Variants in GLOD4 observed in about 807,000 individuals in gnomAD.
GLOD4 encodes glyoxalase domain-containing protein 4.
GLOD4 carries 44 observed loss-of-function variants against 39.1 expected under a neutral mutation model. The ratio of observed to expected loss-of-function variants is 1.13; its 90% CI spans 0.88 to 1.45. The LOEUF is 1.45. Ranked by LOEUF, GLOD4 falls within the 40% of genes most tolerant of loss-of-function variation. The pLI is 0.00. For synonymous variants in GLOD4, 145 were observed against 135.0 expected (o/e 1.07, Z -0.52); for missense variants, 405 against 366.4 (o/e 1.11, Z -0.86).
upstream of GLOD4, among the ~76,000 whole-genome samples, chr17:784,860 G>A (rs1910460377): frequency 2.0e-5 from 3 of 152,256 alleles, no homozygotes; most frequent in South Asian, 6.2e-4. Context: ...CTGTGACTCC[G>A]AAGTGGAGGC....
At chr17:772,570 G>A (rs1478618289) in intron 4 of GLOD4, among the ~76,000 whole-genome samples, 1 of 151,974 alleles carries the variant, frequency 6.6e-6, no homozygotes, top group African/African-American at 2.4e-5. Flanking sequence ...CAATATATTG[G>A]ACAAAAAGTC....
In GLOD4 at chr17:778,722, T is replaced by C. The variant is rs1909366917; in HGVS notation, c.113A>G (p.Glu38Gly). The C allele has an allele frequency of 1.9e-6, 3 of 1,603,930 alleles. No individual in the cohort carries two copies. Among genetic ancestry groups the C allele is most frequent in the Non-Finnish European group, 1.7e-6 (2 of 1,170,702 alleles). The change falls in exon 2 of 9, where the codon GAA becomes GGA. Residue 38 changes from glutamate (E) to glycine (G), a missense_variant. Transcript: ENST00000301329. ...ATTACAGGCAGCTTTGCAGCCTTCT[T>C]CAAATTCCTCATGCCGCAGAACCTG... ...GMKVLRHEEFEEGCKAACNGP... is the reference protein window; with the variant it reads ...GMKVLRHEEFGEGCKAACNGP...
At chr17:778,207 A>G in intron 2 of GLOD4, 1 of 206,144 alleles carries the variant, frequency 4.9e-6, no homozygotes. Context: ...GTAGCAGACT[A>G]TCAAACCCAA....
upstream of GLOD4, chr17:782,386 C>T (rs1287098863): frequency 1.1e-5 from 17 of 1,613,568 alleles, no homozygotes; most frequent in Admixed American, 1.7e-5. Flanking sequence ...AACATGGCGG[C>T]GCTGGTGAGA....
At chr17:780,984 G>C (rs1316025465) in intron 1 of GLOD4, among the ~76,000 whole-genome samples, 1 of 145,532 alleles carries the variant, frequency 6.9e-6, no homozygotes, top group Admixed American at 7.0e-5. Context: ...ACAATGGTGC[G>C]ATCTCGGCTC....
At chr17:760,440 T>A (rs1009508769) in intron 8 of GLOD4, among the ~76,000 whole-genome samples, 4 of 152,204 alleles carry the variant, frequency 2.6e-5, no homozygotes, top group African/African-American at 9.7e-5. Flanking sequence ...CAGAGTGTTA[T>A]GTTCAATAAG....
At chr17:778,461 C>G (rs754209737) in intron 2 of GLOD4, 317 of 593,902 alleles carry the variant, frequency 5.3e-4, no homozygotes, top group Non-Finnish European at 8.8e-4. Context: ...AAATGTGTTC[C>G]CGACGCTCCT....
At chr17:785,887 G>T (rs1278178751), upstream of GLOD4, among the ~76,000 whole-genome samples, 1 of 152,210 alleles carries the variant, frequency 6.6e-6, no homozygotes, top group African/African-American at 2.4e-5. Context: ...CTGGTAGGAA[G>T]ATGGGCACAG....
At chr17:782,634 A>T (rs200285894), upstream of GLOD4, 331 of 1,613,702 alleles carry the variant, frequency 2.1e-4, 2 homozygotes, top group Admixed American at 4.3e-4. Flanking sequence ...CGCTCCCAGC[A>T]CCTGGGAAGA....
At chr17:768,348 C>G (rs1362568167) in intron 8 of GLOD4, among the ~76,000 whole-genome samples, 2 of 146,914 alleles carry the variant, frequency 1.4e-5, no homozygotes, top group Non-Finnish European at 1.5e-5. Flanking sequence ...AGAGAAACAG[C>G]GCGCACTCAG....
chr17:770,489 C>A lies in GLOD4; in HGVS notation c.562G>T (p.Gly188Cys). The A allele has an allele frequency of 6.4e-7, 1 of 1,567,154 alleles. No individual in the cohort carries two copies. Among genetic ancestry groups the A allele is most frequent in the South Asian group, 1.1e-5 (1 of 90,190 alleles). ...ADNQCKLELQGVKGGVDHAAA... is the reference protein window; with the variant it reads ...ADNQCKLELQCVKGGVDHAAA... Reference sequence around the variant, plus strand: ...GCATGGTCCACCCCACCCTTGACGCCCTGTAGCTCCAGCTTACACTGAAAT... The same window carrying A: ...GCATGGTCCACCCCACCCTTGACGCACTGTAGCTCCAGCTTACACTGAAAT... The change falls in exon 6 of 9, where the codon GGC (glycine) becomes TGC (cysteine). Residue 188 changes from glycine (G) to cysteine (C), a missense_variant. By Grantham distance (159) the Gly-to-Cys change is radical (BLOSUM62 -3). Coordinates refer to ENST00000301329, the MANE Select transcript of GLOD4 (RefSeq NM_016080.4).
At chr17:764,090 T>C (rs941802886) in intron 8 of GLOD4, 1 of 152,176 alleles carries the variant, frequency 6.6e-6, no homozygotes, top group East Asian at 1.9e-4. Flanking sequence ...GACTTGAACA[T>C]AAAATTCACA....
At chr17:764,915 G>A (rs1906230407) in intron 8 of GLOD4, 1 of 150,946 alleles carries the variant, frequency 6.6e-6, no homozygotes, top group African/African-American at 2.4e-5. Flanking sequence ...GCTGAGGCAG[G>A]AGAATGGCGT....
chr17:777,006 A>G lies in GLOD4; in HGVS notation c.141-18T>C. On this transcript the variant is annotated intron_variant, in intron 2 of 8. Transcript: ENST00000301329. ...CATAAGGCCTAGAAAATAAAAGTAA[A>G]TGAACTCAGTGACTACAGACAAGTC... is the stretch of plus-strand genomic sequence containing the variant. 1 of 1,611,328 alleles carries G rather than the reference A, an allele frequency of 6.2e-7. No homozygotes were observed. Among genetic ancestry groups the G allele is most frequent in the Non-Finnish European group, 8.5e-7 (1 of 1,177,444 alleles).
At chr17:762,315 G>A (rs143923502) in intron 8 of GLOD4, among the ~76,000 whole-genome samples, 1 of 152,242 alleles carries the variant, frequency 6.6e-6, no homozygotes, top group African/African-American at 2.4e-5. Flanking sequence ...ATTCCAGCGT[G>A]AACAACTGGG....
At chr17:765,895 G>A (rs1426848905) in intron 8 of GLOD4, among the ~76,000 whole-genome samples, 1 of 151,962 alleles carries the variant, frequency 6.6e-6, no homozygotes, top group African/African-American at 2.4e-5. Flanking sequence ...GGCAGAGGTT[G>A]CAGTGACCTG....
chr17:767,903 G>C (rs1202042599), intron 8 of GLOD4, among the ~76,000 whole-genome samples: 5 of 142,902 alleles, frequency 3.5e-5, no homozygotes, highest in Non-Finnish European at 4.5e-5. Context: ...GAGAGAAACA[G>C]CGCGCACTCA....
At chr17:780,851 G>C (rs1307601662) in intron 1 of GLOD4, 2 of 153,228 alleles carry the variant, frequency 1.3e-5, no homozygotes, top group Non-Finnish European at 2.9e-5. Context: ...TATAATAGTG[G>C]CTAACACTTA....
At chr17:778,471 TG>T in intron 2 of GLOD4, 1 of 597,880 alleles carries the variant, frequency 1.7e-6, no homozygotes, top group Non-Finnish European at 3.0e-6. Flanking sequence ...CCGACGCTCC[TG>T]AAGTTGCCTC....
Sources: allele counts gnomAD v4.1 joint callset (sites outside exome capture counted in the v4.1 genomes callset), GRCh38; gene constraint gnomAD v4.1.1; transcripts MANE v1.5; gene names NCBI Gene and HGNC (gene_info 2026-07-23, HGNC 2026-07-21).